The following PTPRT variants were observed in gnomAD, a reference collection of about 807,000 sequenced individuals.
The protein encoded by PTPRT is protein tyrosine phosphatase receptor type T, also known as receptor-type tyrosine-protein phosphatase T.
A neutral mutation model predicts 176.8 loss-of-function variants in PTPRT; 56 were observed. The observed-to-expected ratio is 0.32, with a 90% confidence interval of 0.26 to 0.40. PTPRT has a LOEUF of 0.40. PTPRT is among the 10% of genes least tolerant of loss of function. PTPRT has a pLI of 1.00. For synonymous variants in PTPRT, 783 were observed against 739.0 expected (o/e 1.06, Z -0.96); for missense variants, 1,540 against 1,908.2 (o/e 0.81, Z 3.60).
chr20:43,134,854 G>A lies in PTPRT; in HGVS notation c.88+54792C>T, dbSNP rs191761566. Among the ~76,000 whole-genome samples the A allele has an allele frequency of 9.4e-3, 1,428 of 152,268 alleles. 14 individuals carry two copies. The highest frequency in any genetic ancestry group is 0.016 in the Non-Finnish European group (1,101 of 68,014). On this transcript the variant is annotated intron_variant, in intron 1 of 30. Transcript: ENST00000373187. ...GACATCCTGATCTGTTAGACTAAGG[G>A]TTTATTAACCTCAGCACTGTTGACA...
chr20:42,962,781 A>C (rs1982066486), intron 1 of PTPRT, among the ~76,000 whole-genome samples: 1 of 152,188 alleles, frequency 6.6e-6, no homozygotes, highest in Admixed American at 6.5e-5. Context: ...AGAAATGCCT[A>C]ACCAGGCCAG....
intron 1 of PTPRT, among the ~76,000 whole-genome samples, chr20:42,928,474 G>A (rs1979626708): frequency 6.6e-6 from 1 of 152,204 alleles, no homozygotes; most frequent in Non-Finnish European, 1.5e-5. Flanking sequence ...TCTCTGGGGT[G>A]CACCTGTCCC....
intron 6 of PTPRT, among the ~76,000 whole-genome samples, chr20:42,708,685 GT>G (rs1301842474): frequency 1.3e-5 from 2 of 152,194 alleles, no homozygotes; most frequent in Non-Finnish European, 2.9e-5. Flanking sequence ...GCTTGAACAA[GT>G]TGCTTAACAT....
intron 7 of PTPRT, among the ~76,000 whole-genome samples, chr20:42,620,711 C>G: frequency 1.3e-5 from 2 of 152,310 alleles, no homozygotes; most frequent in African/African-American, 4.8e-5. Flanking sequence ...TTTCCAGGTG[C>G]GTCAGTCACC....
At chr20:42,971,033 T>G (rs1568709321) in intron 1 of PTPRT, 1 of 152,210 alleles carries the variant, frequency 6.6e-6, no homozygotes, top group African/African-American at 2.4e-5. Flanking sequence ...GCAAGAGAAG[T>G]GCTGTGCACA....
At chr20:42,528,832 C>A (rs995352653) in intron 7 of PTPRT, among the ~76,000 whole-genome samples, 20 of 152,306 alleles carry the variant, frequency 1.3e-4, no homozygotes, top group African/African-American at 4.8e-4. Context: ...TCAAAACATT[C>A]CAGGACTGTG....
chr20:42,633,482 G>A (rs962536489), intron 7 of PTPRT, among the ~76,000 whole-genome samples: 9 of 151,756 alleles, frequency 5.9e-5, no homozygotes, highest in African/African-American at 2.2e-4. Context: ...GTTGACAGTA[G>A]GAGAAAATGG....
At chr20:42,633,889 T>TATATAATTATATATAATA (rs1239016485) in intron 7 of PTPRT, among the ~76,000 whole-genome samples, 2 of 64,352 alleles carry the variant, frequency 3.1e-5, no homozygotes, top group African/African-American at 1.4e-4. Flanking sequence ...TATAATATAA[T>TATATAATTATATATAATA]TATTATATAT....
chr20:42,315,184 C>CAAAAAAAAAAAAA lies in PTPRT; in HGVS notation c.2139+526_2139+538dup, dbSNP rs71193656. On this transcript the variant is annotated intron_variant, in intron 12 of 30. Coordinates refer to ENST00000373187, the MANE Select transcript of PTPRT (RefSeq NM_007050.6). ...TGGGCGACAGAGCGAGGCTCCGTCT[C>CAAAAAAAAAAAAA]AAAAAAAAAAAAAAAAAAAAAAAAA... Among the ~76,000 whole-genome samples, 7 of 63,388 alleles carry CAAAAAAAAAAAAA rather than the reference C, an allele frequency of 1.1e-4. No homozygotes were observed. The South Asian group carries it at 2.6e-3, about 24-fold the overall frequency. The allele number at this position is 63,388 out of a possible 152,430, so 41.6% of individuals were successfully genotyped here.
intron 6 of PTPRT, among the ~76,000 whole-genome samples, chr20:42,739,563 G>C (rs1355715868): frequency 3.3e-5 from 5 of 152,154 alleles, no homozygotes; most frequent in Non-Finnish European, 5.9e-5. Flanking sequence ...AGATGGGGAA[G>C]TGTTAGACAG....
At chr20:42,560,383 A>T (rs1280247048) in intron 7 of PTPRT, among the ~76,000 whole-genome samples, 1 of 152,068 alleles carries the variant, frequency 6.6e-6, no homozygotes, top group Non-Finnish European at 1.5e-5. Context: ...TTCTATTGGT[A>T]TTTGAGGCCA....
intron 7 of PTPRT, among the ~76,000 whole-genome samples, chr20:42,490,576 A>G (rs1355553328): frequency 6.6e-6 from 1 of 152,064 alleles, no homozygotes; most frequent in African/African-American, 2.4e-5. Flanking sequence ...ACCTTGTTGA[A>G]CTCTCTTATT....
the PTPRT span, among the ~76,000 whole-genome samples, chr20:42,041,131 C>T: frequency 6.6e-6 from 1 of 152,144 alleles, no homozygotes; most frequent in Admixed American, 6.5e-5. Context: ...AGCAGCTTTC[C>T]TTCTTTAACC....
In PTPRT at chr20:43,028,975, T is replaced by C. The variant is rs760679711; in HGVS notation, c.89-143043A>G. 3.3e-5 allele frequency among the ~76,000 whole-genome samples: 5 copies of C among 152,234 alleles called. No homozygotes were observed. The South Asian group carries it at 1.0e-3, about 32-fold the overall frequency. ...TTTATGCATCACCCCTTGGAGTCCA[T>C]CACCCAGAAAGAAGGCTGTGCATCT... On this transcript the variant is annotated intron_variant, in intron 1 of 30. Transcript: ENST00000373187.
At chr20:42,850,571 C>T (rs772558810) in intron 2 of PTPRT, among the ~76,000 whole-genome samples, 20 of 152,168 alleles carry the variant, frequency 1.3e-4, no homozygotes, top group Non-Finnish European at 2.2e-4. Context: ...CTTTTGGCAT[C>T]CCCCAGTGGT....
At chr20:42,713,298 A>G (rs903856023) in intron 6 of PTPRT, among the ~76,000 whole-genome samples, 3 of 152,144 alleles carry the variant, frequency 2.0e-5, no homozygotes, top group Non-Finnish European at 4.4e-5. Flanking sequence ...ACATAAATAT[A>G]TTACCACAAA....
At chr20:42,894,276 T>G (rs912611253) in intron 1 of PTPRT, among the ~76,000 whole-genome samples, 8 of 152,096 alleles carry the variant, frequency 5.3e-5, no homozygotes, top group Admixed American at 6.5e-5. Context: ...AACTGTGAGC[T>G]GAGCTTGATA....
chr20:42,829,586 T>C (rs913251245), intron 2 of PTPRT, among the ~76,000 whole-genome samples: 1 of 152,108 alleles, frequency 6.6e-6, no homozygotes, highest in Admixed American at 6.5e-5. Flanking sequence ...AATTAGCTGG[T>C]TGTGGGTGGC....
At chr20:42,286,560 C>T (rs13040802) in intron 12 of PTPRT, among the ~76,000 whole-genome samples, 1 of 151,816 alleles carries the variant, frequency 6.6e-6, no homozygotes, top group African/African-American at 2.4e-5. Context: ...ACCGCCACCT[C>T]TCACCCTATA....
Sources: allele counts gnomAD v4.1 joint callset (sites outside exome capture counted in the v4.1 genomes callset), GRCh38; gene constraint gnomAD v4.1.1; transcripts MANE v1.5; gene names NCBI Gene and HGNC (gene_info 2026-07-23, HGNC 2026-07-21).